ANAPC4: variants seen among roughly 807,000 people sequenced by gnomAD.
ANAPC4 encodes the protein anaphase-promoting complex subunit 4.
In ANAPC4, 63 loss-of-function variants were observed where a neutral mutation model predicts 119.8. That is an observed-to-expected ratio of 0.53 (90% CI 0.43 to 0.65). The LOEUF (loss-of-function observed/expected upper bound fraction) is 0.65, where lower values mean the gene tolerates loss of function less well. Ranked by LOEUF, ANAPC4 falls within the 30% of genes least tolerant of loss-of-function variation. ANAPC4 has a pLI of 0.00. For synonymous variants in ANAPC4, 283 were observed against 318.6 expected (o/e 0.89, Z 1.19); for missense variants, 716 against 945.1 (o/e 0.76, Z 3.18).
chr4:25,394,831 C>G lies in ANAPC4; in HGVS notation c.987C>G (p.Gly329=), dbSNP rs949367854. 6.2e-7 allele frequency: 1 copy of G among 1,609,858 alleles called. No homozygotes were observed. The highest frequency in any genetic ancestry group is 1.3e-5 in the African/African-American group (1 of 74,534). ...ATATATTTTCCTTTTTTAATTAGGG[C>G]TTGAAAAAGCTTGGCCAGTCTATAG... ...TLLMNQLTVK[G]LKKLGQSIES... The change falls in exon 14 of 29, where the codon GGC becomes GGG. Residue 329 remains glycine, a splice_region_variant and synonymous_variant. Coordinates refer to ENST00000315368, the MANE Select transcript of ANAPC4 (RefSeq NM_013367.3).
chr4:25,392,239 CAT>C, intron 9 of ANAPC4, 97 bp from the exon 10 acceptor site: 4 of 828,686 alleles, frequency 4.8e-6, no homozygotes, highest in Non-Finnish European at 8.2e-6. Flanking sequence ...ACAATTCTGA[CAT>C]AGTCTTTCTG....
Position 25,394,390 on chromosome 4 carries a change from T to G in ANAPC4, c.941+16T>G. ...GGAAAGCAAGGTAATAAACTCAGAT[T>G]AGGTGCTCCTGTTTTTGCTTCTTTT... On this transcript the variant is annotated intron_variant, in intron 12 of 28. Transcript: ENST00000315368. 2 of 1,559,584 alleles carry G rather than the reference T, an allele frequency of 1.3e-6. No individual in the cohort carries two copies. Among genetic ancestry groups the G allele is most frequent in the Non-Finnish European group, 1.7e-6 (2 of 1,160,732 alleles).
intron 3 of ANAPC4, among the ~76,000 whole-genome samples, chr4:25,381,463 T>G (rs1415686720): frequency 6.6e-6 from 1 of 152,038 alleles, no homozygotes; most frequent in Non-Finnish European, 1.5e-5. Context: ...GGCGTGCACC[T>G]TCATCCCTGG....
intron 3 of ANAPC4, among the ~76,000 whole-genome samples, chr4:25,381,512 G>A (rs930064563): frequency 2.0e-5 from 3 of 152,138 alleles, no homozygotes; most frequent in African/African-American, 7.2e-5. Context: ...AGGTTTCACT[G>A]TGTTGGCCAG....
intron 17 of ANAPC4, among the ~76,000 whole-genome samples, chr4:25,404,145 A>G (rs1243087999): frequency 1.3e-5 from 2 of 152,178 alleles, no homozygotes; most frequent in African/African-American, 4.8e-5. Context: ...CTTCAATTCT[A>G]ATATTGTAAA....
Position 25,393,840 on chromosome 4 carries a change from A to G in ANAPC4, c.825A>G (p.Ala275=), listed in dbSNP as rs1224404640. The change falls in exon 11 of 29, where the codon GCA becomes GCG. Residue 275 remains alanine, a synonymous_variant. Transcript: ENST00000315368. ...INLSLTCMCE[A]WEEILMQMDS... The stretch of plus-strand genomic sequence containing the variant: ...TGTCACTAACATGTATGTGTGAAGC[A>G]TGGGAAGAAATACTAATGCAGATGG... 1.9e-6 allele frequency: 3 copies of G among 1,610,134 alleles called. No homozygotes were observed. The highest frequency in any genetic ancestry group is 1.3e-5 in the African/African-American group (1 of 74,806).
At chr4:25,396,295 T>C (rs1240876457) in intron 14 of ANAPC4, among the ~76,000 whole-genome samples, 2 of 152,214 alleles carry the variant, frequency 1.3e-5, no homozygotes, top group Admixed American at 6.5e-5. Context: ...TTCACCGTTA[T>C]GTCCCCAGTA....
intron 14 of ANAPC4, among the ~76,000 whole-genome samples, chr4:25,395,639 G>A (rs1270426342): frequency 2.6e-5 from 4 of 152,126 alleles, no homozygotes; most frequent in East Asian, 3.9e-4. Flanking sequence ...TAGTAGAGAC[G>A]GGGTTTCACC....
At chr4:25,417,499 G>T in intron 27 of ANAPC4, 117 bp from the exon 28 acceptor site, 1 of 1,024,782 alleles carries the variant, frequency 9.8e-7, no homozygotes, top group Non-Finnish European at 1.3e-6. Context: ...AAATTATATT[G>T]GAAATAGAAG....
intron 16 of ANAPC4, among the ~76,000 whole-genome samples, chr4:25,398,036 G>C (rs1012457133): frequency 6.6e-6 from 1 of 152,110 alleles, no homozygotes; most frequent in Non-Finnish European, 1.5e-5. Context: ...GAGGAGCTGG[G>C]ACTACAGGAG....
intron 2 of ANAPC4, 121 bp downstream of exon 2, chr4:25,377,677 G>A: frequency 7.0e-7 from 1 of 1,421,994 alleles, no homozygotes; most frequent in Non-Finnish European, 9.3e-7. Flanking sequence ...CCCTTCTGCA[G>A]ACATGGCTGG....
Position 25,405,193 on chromosome 4 carries a change from G to A in ANAPC4, c.1271-380G>A, listed in dbSNP as rs1365212061. ...CCAAGGGAAATAAACAGATTTCTTT[G>A]GTATCATAAGGCTTTGGAGGAAAAA... On this transcript the variant is annotated intron_variant, in intron 17 of 28. Transcript: ENST00000315368. The surrounding 1 kb of genome is among the most constrained non-coding windows in gnomAD (Gnocchi z 4.6). Among the ~76,000 whole-genome samples, 3 of 151,546 alleles carry A rather than the reference G, an allele frequency of 2.0e-5. No individual in the cohort carries two copies. Among genetic ancestry groups the A allele is most frequent in the Non-Finnish European group, 2.9e-5 (2 of 67,936 alleles).
At chr4:25,382,172 A>C (rs1315559553) in intron 3 of ANAPC4, among the ~76,000 whole-genome samples, 2 of 152,146 alleles carry the variant, frequency 1.3e-5, no homozygotes, top group Non-Finnish European at 2.9e-5. Context: ...GACCACATTA[A>C]TGTTAATTGC....
At chr4:25,393,541 A>T (rs745990417) in intron 10 of ANAPC4, among the ~76,000 whole-genome samples, 1 of 152,162 alleles carries the variant, frequency 6.6e-6, no homozygotes, top group Admixed American at 6.5e-5. Flanking sequence ...GCACGCATAT[A>T]ATACCAGCTA....
In ANAPC4 at chr4:25,380,796, C is replaced by T. The variant is rs139622499; in HGVS notation, c.235+317C>T. Among the ~76,000 whole-genome samples the T allele has an allele frequency of 4.7e-3, 713 of 152,260 alleles. 10 individuals carry two copies. The highest frequency in any genetic ancestry group is 0.016 in the African/African-American group (685 of 41,544). On this transcript the variant is annotated intron_variant, in intron 3 of 28. Coordinates refer to ENST00000315368, the MANE Select transcript of ANAPC4 (RefSeq NM_013367.3). ...GTCATCTTGTCCTGTATTATTTGGCCCAAGCACCACTTGCCACTCGCCAGT... is the reference window on the plus strand; with the variant it reads ...GTCATCTTGTCCTGTATTATTTGGCTCAAGCACCACTTGCCACTCGCCAGT...
rs1723199299 is a variant in ANAPC4 at position 25,405,461 on chromosome 4, G to A, written c.1271-112G>A. On this transcript the variant is annotated intron_variant, in intron 17 of 28. Transcript: ENST00000315368. This position sits in a 1 kb window ranked among gnomAD's most constrained non-coding sequence, Gnocchi z 4.6. ...AATGTTTTTGTTGGTGAAAAGCTGT[G>A]TAAAATTGAAGATTTAGTTCAGTCA... 3 of 923,378 alleles carry A rather than the reference G, an allele frequency of 3.2e-6. No individual in the cohort carries two copies. The East Asian group carries it at 8.0e-5, about 25-fold the overall frequency. The allele number at this position is 923,378 out of a possible 1,614,324, so 57.2% of individuals were successfully genotyped here.
chr4:25,412,472 C>T (rs1246265107), intron 21 of ANAPC4, among the ~76,000 whole-genome samples: 2 of 151,940 alleles, frequency 1.3e-5, no homozygotes, highest in Non-Finnish European at 2.9e-5. Flanking sequence ...TATCTAGGTG[C>T]CAGCCAAGAG....
chr4:25,411,984 T>G (rs911034635), intron 21 of ANAPC4, among the ~76,000 whole-genome samples: 1 of 152,158 alleles, frequency 6.6e-6, no homozygotes, highest in African/African-American at 2.4e-5. Context: ...ATGTCAGGTC[T>G]CTGGGTCCCC....
intron 16 of ANAPC4, among the ~76,000 whole-genome samples, chr4:25,397,562 A>G (rs1301367878): frequency 6.6e-6 from 1 of 152,222 alleles, no homozygotes; most frequent in East Asian, 1.9e-4. Flanking sequence ...CAGACATAGA[A>G]GGTAAACTTT....
Sources: allele counts gnomAD v4.1 joint callset (sites outside exome capture counted in the v4.1 genomes callset), GRCh38; gene constraint gnomAD v4.1.1; non-coding constraint Gnocchi (gnomAD v3.1); transcripts MANE v1.5; gene names NCBI Gene and HGNC (gene_info 2026-07-23, HGNC 2026-07-21).